PRUNE2: variants seen among roughly 807,000 people sequenced by gnomAD.
The protein encoded by PRUNE2 is prune homolog 2 with BCH domain.
PRUNE2 carries 164 observed loss-of-function variants against 252.0 expected under a neutral mutation model. The observed-to-expected ratio is 0.65, with a 90% confidence interval of 0.57 to 0.74. The LOEUF (loss-of-function observed/expected upper bound fraction) is 0.74. Among genes scored for constraint, PRUNE2 ranks in the 30% least tolerant of loss-of-function variants. The pLI, the probability that PRUNE2 is intolerant of heterozygous loss-of-function variation, is 0.00. For missense variants in PRUNE2, 3,495 were observed against 3,711.0 expected (o/e 0.94, Z 1.51); for synonymous variants, 1,292 against 1,350.2 (o/e 0.96, Z 0.94).
chr9:76,770,030 T>TCATA (rs1247669921), intron 6 of PRUNE2, among the ~76,000 whole-genome samples: 2 of 152,200 alleles, frequency 1.3e-5, no homozygotes, highest in African/African-American at 4.8e-5. Context: ...TTTATTAGCA[T>TCATA]CATAACCTAA....
intron 1 of PRUNE2, among the ~76,000 whole-genome samples, chr9:76,904,014 C>A (rs1589860737): frequency 6.6e-6 from 1 of 152,300 alleles, no homozygotes; most frequent in East Asian, 1.9e-4. Flanking sequence ...ATTTGAGTGT[C>A]ATACATTAAG....
At position 76,884,349 on chromosome 9, in the gene PRUNE2, CCA is replaced by C. The variant is rs2061967596; in HGVS notation, c.36+21577_36+21578del. ...CCACACTGAAGAACTAGAAAAATAGCCACAGTGTACTGAGCGTCATTGGCTAA... is the reference window on the plus strand; with the variant it reads ...CCACACTGAAGAACTAGAAAAATAGCCAGTGTACTGAGCGTCATTGGCTAA... On this transcript the variant is annotated intron_variant, in intron 1 of 18. Coordinates refer to ENST00000376718, the MANE Select transcript of PRUNE2 (RefSeq NM_015225.3). 2.0e-5 allele frequency among the ~76,000 whole-genome samples: 3 copies of C among 152,106 alleles called. 1 individual carries two copies. The South Asian group carries it at 6.2e-4, about 32-fold the overall frequency.
intron 6 of PRUNE2, among the ~76,000 whole-genome samples, chr9:76,787,786 C>T (rs979553997): frequency 9.9e-5 from 15 of 152,150 alleles, no homozygotes; most frequent in African/African-American, 3.1e-4. Context: ...CTAGACAGTC[C>T]TCTCCAATCC....
intron 1 of PRUNE2, among the ~76,000 whole-genome samples, chr9:76,855,082 A>AAAAAAAAAATATATATATATATAT (rs1490285240): frequency 9.1e-6 from 1 of 109,438 alleles, no homozygotes; most frequent in African/African-American, 3.9e-5. Context: ...AAAAAAAAAA[A>AAAAAAAAAATATATATATATATAT]ATATATATAT....
intron 6 of PRUNE2, chr9:76,808,933 C>T (rs1220424402): frequency 6.6e-6 from 1 of 152,354 alleles, no homozygotes; most frequent in African/African-American, 2.4e-5. Context: ...GGGACCCAAA[C>T]ACTAGGGGTA....
chr9:76,798,945 A>G (rs935342302), intron 6 of PRUNE2, among the ~76,000 whole-genome samples: 16 of 152,218 alleles, frequency 1.1e-4, no homozygotes, highest in African/African-American at 3.9e-4. Flanking sequence ...TGCCCTGCCT[A>G]CTGATAACTT....
At chr9:76,818,702 C>T (rs1375211905) in intron 6 of PRUNE2, among the ~76,000 whole-genome samples, 2 of 152,106 alleles carry the variant, frequency 1.3e-5, no homozygotes, top group Non-Finnish European at 2.9e-5. Context: ...CTCACCGTTC[C>T]TCATTTAAAG....
intron 9 of PRUNE2, among the ~76,000 whole-genome samples, chr9:76,666,898 T>C (rs2040305405): frequency 6.6e-6 from 1 of 151,966 alleles, no homozygotes; most frequent in South Asian, 2.1e-4. Flanking sequence ...AATACAAAAT[T>C]AGCCGGCTGT....
chr9:76,705,765 G>T lies in PRUNE2; in HGVS notation c.6509C>A (p.Pro2170Gln). Reference sequence around the variant, plus strand: ...CTTTATGTCTGCTTGATAGCCAATTGGAGGCAGCACAGTTGCGTTTTCAGA... The same window carrying T: ...CTTTATGTCTGCTTGATAGCCAATTTGAGGCAGCACAGTTGCGTTTTCAGA... ...LDSENATVLPPIGYQADIKGS... is the reference protein window; with the variant it reads ...LDSENATVLPQIGYQADIKGS... The change falls in exon 8 of 19, where the codon CCA (proline) becomes CAA (glutamine). Residue 2170 changes from proline (P) to glutamine (Q), a missense_variant. Pro to Gln is a moderately conservative substitution (Grantham distance 76). Transcript: ENST00000376718. 1 of 1,613,934 alleles carries T rather than the reference G, an allele frequency of 6.2e-7. No individual in the cohort carries two copies. The highest frequency in any genetic ancestry group is 8.5e-7 in the Non-Finnish European group (1 of 1,179,902).
chr9:76,886,170 G>C (rs2062085233), intron 1 of PRUNE2, among the ~76,000 whole-genome samples: 1 of 150,136 alleles, frequency 6.7e-6, no homozygotes, highest in Non-Finnish European at 1.5e-5. Flanking sequence ...TGGCGACAGA[G>C]CGAGACTCCG....
chr9:76,625,135 G>A lies in PRUNE2; in HGVS notation c.9150-645C>T, dbSNP rs1018976405. ...AAAATGACAAGTAAATGATTTAAAT[G>A]ACAGTCAAATCATGAGAGAAAATGC... On this transcript the variant is annotated intron_variant, in intron 16 of 18. Transcript: ENST00000376718. The A allele has an allele frequency of 9.6e-6, 9 of 937,548 alleles. No individual in the cohort carries two copies. The Middle Eastern group carries it at 1.2e-3, about 122-fold the overall frequency. The allele number at this position is 937,548 out of a possible 1,614,324, so 58.1% of individuals were successfully genotyped here.
chr9:76,805,575 A>C (rs958591838), intron 6 of PRUNE2, among the ~76,000 whole-genome samples: 4 of 152,170 alleles, frequency 2.6e-5, no homozygotes, highest in African/African-American at 9.7e-5. Flanking sequence ...AGCCTGTGTG[A>C]CAGCGAAAGA....
intron 9 of PRUNE2, among the ~76,000 whole-genome samples, chr9:76,676,855 A>G (rs1352914934): frequency 2.0e-5 from 3 of 152,356 alleles, no homozygotes; most frequent in South Asian, 2.1e-4. Flanking sequence ...AGCGAAGCAC[A>G]TGAGCTGAAA....
At chr9:76,783,786 C>G (rs1486761013) in intron 6 of PRUNE2, 1 of 152,140 alleles carries the variant, frequency 6.6e-6, no homozygotes, top group Non-Finnish European at 1.5e-5. Flanking sequence ...TCACTAGAAA[C>G]AGCAAGATGA....
intron 6 of PRUNE2, among the ~76,000 whole-genome samples, chr9:76,760,192 C>T (rs1420832649): frequency 6.6e-6 from 1 of 152,180 alleles, no homozygotes; most frequent in African/African-American, 2.4e-5. Flanking sequence ...GTTGATGGTA[C>T]TGCAACCTGA....
Position 76,754,894 on chromosome 9 carries a change from AG to A in PRUNE2, c.757-41174del, listed in dbSNP as rs1275407470. ...GGCAGGAGAATCGCTTGAACCCGGG[AG>A]GCGGAGGTTGCAGTGAGCCGAGATT... On this transcript the variant is annotated intron_variant, in intron 6 of 18. Coordinates refer to ENST00000376718, the MANE Select transcript of PRUNE2 (RefSeq NM_015225.3). Among the ~76,000 whole-genome samples, 16 of 131,762 alleles carry A rather than the reference AG, an allele frequency of 1.2e-4. No individual in the cohort carries two copies. In the East Asian group the frequency reaches 3.9e-3, roughly 32 times the overall value. 86.4% of individuals were successfully genotyped at this position (131,762 alleles called of 152,430 possible).
rs554853469 is a variant in PRUNE2, at chr9:76,856,682, G to A, written c.37-2474C>T. On this transcript the variant is annotated intron_variant, in intron 1 of 18. Transcript: ENST00000376718. The stretch of plus-strand genomic sequence containing the variant: ...CCATTTAAAGAGAAAAAGGTATAAC[G>A]GGTAAGGACCATAGCATACCCCACT... The A allele has an allele frequency of 9.9e-5, 16 of 161,502 alleles. No individual in the cohort carries two copies. In the South Asian group the frequency reaches 1.6e-3, roughly 16 times the overall value. The allele number at this position is 161,502 out of a possible 1,614,324, so 10.0% of individuals were successfully genotyped here. A position where few individuals can be genotyped will look rare whatever the true frequency, so the allele number is the denominator to read the frequency against.
At chr9:76,901,820 G>A (rs1165202577) in intron 1 of PRUNE2, among the ~76,000 whole-genome samples, 2 of 152,184 alleles carry the variant, frequency 1.3e-5, no homozygotes. Context: ...AGCTGTCACT[G>A]CTGAAGTAGC....
intron 9 of PRUNE2, among the ~76,000 whole-genome samples, chr9:76,702,508 G>C (rs1175029588): frequency 6.6e-6 from 1 of 152,332 alleles, no homozygotes; most frequent in East Asian, 1.9e-4. Flanking sequence ...AGTTTCAGCA[G>C]AGACTGGAAG....
Sources: allele counts gnomAD v4.1 joint callset (sites outside exome capture counted in the v4.1 genomes callset), GRCh38; gene constraint gnomAD v4.1.1; transcripts MANE v1.5; gene names NCBI Gene and HGNC (gene_info 2026-07-23, HGNC 2026-07-21).